The following JAZF1 variants were observed in gnomAD, a reference collection of about 807,000 sequenced individuals.
JAZF1 encodes juxtaposed with another zinc finger protein 1.
A neutral mutation model predicts 26.4 loss-of-function variants in JAZF1; 8 were observed. The observed-to-expected ratio is 0.30, with a 90% CI of 0.18 to 0.55. The LOEUF (loss-of-function observed/expected upper bound fraction) is 0.55, where lower values mean the gene tolerates loss of function less well. Ranked by LOEUF, JAZF1 falls within the 20% of genes least tolerant of loss-of-function variation. The pLI is 0.94. For synonymous variants in JAZF1, 126 were observed against 122.3 expected (o/e 1.03, Z -0.20); for missense variants, 199 against 322.0 (o/e 0.62, Z 2.92).
intron 1 of JAZF1, among the ~76,000 whole-genome samples, chr7:28,152,460 G>A (rs1783126214): frequency 6.6e-6 from 1 of 152,104 alleles, no homozygotes; most frequent in Admixed American, 6.5e-5. Flanking sequence ...CTGTGCTACT[G>A]AGCACACCTT....
At chr7:28,113,872 G>T (rs536540203) in intron 1 of JAZF1, among the ~76,000 whole-genome samples, 46 of 152,234 alleles carry the variant, frequency 3.0e-4, no homozygotes, top group African/African-American at 1.0e-3. Flanking sequence ...AAAATATCCG[G>T]ATCTCTATAT....
At chr7:28,062,094 T>C (rs1031484991) in intron 1 of JAZF1, among the ~76,000 whole-genome samples, 1 of 152,188 alleles carries the variant, frequency 6.6e-6, no homozygotes. Context: ...GATTTGTTTA[T>C]AAATTATCAC....
intron 2 of JAZF1, among the ~76,000 whole-genome samples, chr7:27,926,580 C>A (rs1784603295): frequency 6.6e-6 from 1 of 152,220 alleles, no homozygotes; most frequent in Non-Finnish European, 1.5e-5. Context: ...TGTCATCTCT[C>A]ATTCATTGCC....
chr7:27,906,073 G>C (rs912195127), intron 2 of JAZF1, among the ~76,000 whole-genome samples: 1 of 152,174 alleles, frequency 6.6e-6, no homozygotes, highest in Non-Finnish European at 1.5e-5. Context: ...AAGGAATGCT[G>C]ACCAAACAGA....
chr7:28,113,614 AC>A (rs1431878135), intron 1 of JAZF1, among the ~76,000 whole-genome samples: 1 of 152,060 alleles, frequency 6.6e-6, no homozygotes, highest in Non-Finnish European at 1.5e-5. Flanking sequence ...GCATTCATTC[AC>A]CTCTTGTAAT....
At chr7:27,991,492 A>G (rs1204899683) in intron 2 of JAZF1, among the ~76,000 whole-genome samples, 2 of 152,202 alleles carry the variant, frequency 1.3e-5, no homozygotes, top group African/African-American at 4.8e-5. Flanking sequence ...AGCTGCTTCT[A>G]AATAACTTTC....
chr7:28,093,422 T>C (rs1187772217), intron 1 of JAZF1, among the ~76,000 whole-genome samples: 2 of 152,202 alleles, frequency 1.3e-5, no homozygotes, highest in Non-Finnish European at 2.9e-5. Context: ...TGTGAGTCCA[T>C]TGAAACTCTT....
intron 2 of JAZF1, among the ~76,000 whole-genome samples, chr7:27,918,085 T>C (rs1423158796): frequency 6.6e-6 from 1 of 152,128 alleles, no homozygotes; most frequent in Non-Finnish European, 1.5e-5. Flanking sequence ...GGTTCCTGAG[T>C]GAAGGAGCAG....
chr7:28,104,322 T>C (rs1287631708), intron 1 of JAZF1, among the ~76,000 whole-genome samples: 1 of 152,258 alleles, frequency 6.6e-6, no homozygotes, highest in Non-Finnish European at 1.5e-5. Flanking sequence ...TCTGTCTCCC[T>C]ACAGCTAACA....
intron 1 of JAZF1, among the ~76,000 whole-genome samples, chr7:28,084,478 C>A (rs1386052997): frequency 6.6e-6 from 1 of 152,224 alleles, no homozygotes; most frequent in Non-Finnish European, 1.5e-5. Flanking sequence ...GGCCTCCAAT[C>A]CAACCTCCCT....
At chr7:28,171,776 T>TG (rs1236901925) in intron 1 of JAZF1, among the ~76,000 whole-genome samples, 1 of 152,152 alleles carries the variant, frequency 6.6e-6, no homozygotes, top group African/African-American at 2.4e-5. Context: ...ACTTACAGGA[T>TG]GGGGGTAATG....
At chr7:27,944,378 G>A (rs978117423) in intron 2 of JAZF1, among the ~76,000 whole-genome samples, 1 of 152,178 alleles carries the variant, frequency 6.6e-6, no homozygotes, top group Non-Finnish European at 1.5e-5. Context: ...TAATTTTCCG[G>A]TTATCCAACC....
chr7:28,095,492 G>C (rs1325594540), intron 1 of JAZF1, among the ~76,000 whole-genome samples: 1 of 152,082 alleles, frequency 6.6e-6, no homozygotes, highest in Non-Finnish European at 1.5e-5. Context: ...AACAGCATGG[G>C]GGAAACCACC....
chr7:28,079,271 G>T (rs557339871), intron 1 of JAZF1, among the ~76,000 whole-genome samples: 1 of 152,234 alleles, frequency 6.6e-6, no homozygotes, highest in East Asian at 1.9e-4. Flanking sequence ...AGGATTACAG[G>T]TGTGAGCCAA....
intron 1 of JAZF1, among the ~76,000 whole-genome samples, chr7:28,070,244 G>A (rs779851395): frequency 6.6e-6 from 1 of 152,136 alleles, no homozygotes; most frequent in Non-Finnish European, 1.5e-5. Context: ...AAGACTTCAT[G>A]TATCTATCCA....
chr7:28,152,798 G>T (rs1439920403), intron 1 of JAZF1, among the ~76,000 whole-genome samples: 1 of 152,226 alleles, frequency 6.6e-6, no homozygotes, highest in Non-Finnish European at 1.5e-5. Context: ...GGAAAAGGAA[G>T]AAGGTAGGAG....
At chr7:27,868,415 T>TC (rs1226376675) in intron 3 of JAZF1, among the ~76,000 whole-genome samples, 1 of 152,020 alleles carries the variant, frequency 6.6e-6, no homozygotes, top group Admixed American at 6.6e-5. Flanking sequence ...CCCGCTCCCA[T>TC]CCCCCTCTCC....
intron 2 of JAZF1, among the ~76,000 whole-genome samples, chr7:27,979,366 ATTTTTTTTTTTTTTTTTT>A (rs55737757): frequency 0.023 from 1,338 of 58,476 alleles, 41 homozygotes; most frequent in African/African-American, 0.061. Flanking sequence ...GGTACACTAC[ATTTTTTTTTTTTTTTTTT>A]TTTTTTTTTT....
At chr7:27,899,020 T>G (rs1168217215) in intron 2 of JAZF1, among the ~76,000 whole-genome samples, 1 of 152,114 alleles carries the variant, frequency 6.6e-6, no homozygotes, top group Non-Finnish European at 1.5e-5. Context: ...GAACCCTGGT[T>G]AAAAAGGGCC....
Sources: gnomAD v4.1 joint callset for allele counts (sites outside exome capture counted in the v4.1 genomes callset) on GRCh38, gnomAD v4.1.1 for gene constraint, MANE v1.5 for transcripts, NCBI Gene and HGNC (gene_info 2026-07-23, HGNC 2026-07-21) for gene names.